Variants in LPO observed in about 807,000 individuals in gnomAD.
The protein encoded by LPO is salivary peroxidase.
LPO carries 70 observed loss-of-function variants against 68.4 expected under a neutral mutation model. That is an observed-to-expected ratio of 1.02 (90% CI 0.84 to 1.25). The LOEUF (loss-of-function observed/expected upper bound fraction) is 1.25, where lower values mean the gene tolerates loss of function less well. LPO is among the 50% of genes most tolerant of loss of function. The pLI is 0.00. For synonymous variants in LPO, 360 were observed against 357.6 expected, an observed-to-expected ratio of 1.01 and a Z score of -0.08; for missense variants, 873 against 908.4, an observed-to-expected ratio of 0.96 and a Z score of 0.50.
intron 4 of LPO, among the ~76,000 whole-genome samples, chr17:58,248,541 G>T (rs939877141): frequency 9.2e-5 from 14 of 152,000 alleles, no homozygotes; most frequent in Non-Finnish European, 7.4e-5. Context: ...GATGCCTAAA[G>T]CCCCCCTACT....
rs1970030212 is a variant in LPO at position 58,254,485 on chromosome 17, T to A, written c.1106-326T>A. ...GGTTGGGTTATAATTAGCAAAATGT[T>A]ACTGTGTAGTTTGTCACCACTAGCC... On this transcript the variant is annotated intron_variant, in intron 8 of 12. Transcript: ENST00000262290. 2.8e-5 allele frequency: 5 copies of A among 181,420 alleles called. No homozygotes were observed. In the Admixed American group the frequency reaches 3.0e-4, roughly 11 times the overall value. 11.2% of individuals were successfully genotyped at this position (181,420 alleles called of 1,614,324 possible).
rs762109945 is a variant in LPO, at chr17:58,249,585, G to T, written c.463G>T (p.Ala155Ser). ...CNNRRKPALG[A>S]ANRALARWLP... is the part of the protein sequence containing the mutation. The stretch of plus-strand genomic sequence containing the variant: ...TTTCAGGAGGAAGCCTGCGCTGGGC[G>T]CCGCCAACAGGGCTCTGGCGCGCTG... Residue 155 changes from alanine (A) to serine (S), a missense_variant, in exon 6 of 13, where the codon GCC becomes TCC. Transcript: ENST00000262290. 2 of 1,603,768 alleles carry T rather than the reference G, an allele frequency of 1.2e-6. No individual in the cohort carries two copies. The highest frequency in any genetic ancestry group is 1.1e-5 in the South Asian group (1 of 90,946).
At chr17:58,241,982 C>G (rs1238136852) in intron 1 of LPO, among the ~76,000 whole-genome samples, 1 of 152,198 alleles carries the variant, frequency 6.6e-6, no homozygotes, top group African/African-American at 2.4e-5. Context: ...GGGGGGCAAC[C>G]TGAGGCTGCT....
chr17:58,252,459 C>G lies in LPO; in HGVS notation c.1058C>G (p.Pro353Arg), dbSNP rs1214969913. 6.2e-7 allele frequency: 1 copy of G among 1,613,838 alleles called. No homozygotes were observed. The highest frequency in any genetic ancestry group is 1.3e-5 in the African/African-American group (1 of 74,904). ...CCCTATGACAGCAAGAAGCCAAGCCCCTGTGAGTTCATCAACACCACTGCC... is the reference window on the plus strand; with the variant it reads ...CCCTATGACAGCAAGAAGCCAAGCCGCTGTGAGTTCATCAACACCACTGCC... ...YLPYDSKKPS[P>R]CEFINTTARV... The change falls in exon 8 of 13, where the codon CCC (proline) becomes CGC (arginine). Residue 353 changes from proline to arginine, a missense_variant. Physicochemically the swap from Pro to Arg is moderately radical, Grantham distance 103. Coordinates refer to ENST00000262290, the MANE Select transcript of LPO (RefSeq NM_006151.3).
At position 58,242,885 on chromosome 17, in the gene LPO, G is replaced by C. The variant is rs1030100905; in HGVS notation, c.-2-93G>C. The C allele has an allele frequency of 1.9e-5, 19 of 982,590 alleles. No individual in the cohort carries two copies. In the African/African-American group the frequency reaches 2.2e-4, roughly 12 times the overall value. The allele number at this position is 982,590 out of a possible 1,614,324, so 60.9% of individuals were successfully genotyped here. On this transcript the variant is annotated intron_variant, in intron 1 of 12. Transcript: ENST00000262290. ...TTCCTGTTCCAATATTAGGGTGTCTGGTGCTCCTTTGGCTTTCTCTGCTTT... is the reference window on the plus strand; with the variant it reads ...TTCCTGTTCCAATATTAGGGTGTCTCGTGCTCCTTTGGCTTTCTCTGCTTT...
chr17:58,254,045 G>A (rs1270572188), intron 8 of LPO, among the ~76,000 whole-genome samples: 1 of 152,068 alleles, frequency 6.6e-6, no homozygotes, highest in East Asian at 1.9e-4. Context: ...CCACGAGGTT[G>A]AGGCTTCAGT....
chr17:58,248,972 G>C, intron 4 of LPO, 88 bp from the exon 5 acceptor site: 1 of 964,104 alleles, frequency 1.0e-6, no homozygotes, highest in Non-Finnish European at 1.7e-6. Flanking sequence ...AAACATGCAG[G>C]TTCACCTCTG....
At chr17:58,244,586 A>T (rs1362780863) in intron 3 of LPO, 2 of 158,240 alleles carry the variant, frequency 1.3e-5, no homozygotes, top group Non-Finnish European at 2.8e-5. Context: ...GTCTATCCTC[A>T]GCCTGACCCC....
chr17:58,256,544 A>G (rs969893018), intron 9 of LPO, among the ~76,000 whole-genome samples: 1 of 152,026 alleles, frequency 6.6e-6, no homozygotes, highest in Non-Finnish European at 1.5e-5. Flanking sequence ...TGCTGGGCAC[A>G]GTGGCTCATG....
chr17:58,258,819 CT>C (rs1970120594), intron 9 of LPO, among the ~76,000 whole-genome samples: 1 of 152,196 alleles, frequency 6.6e-6, no homozygotes, highest in African/African-American at 2.4e-5. Flanking sequence ...TCTCTAATGG[CT>C]GGTAATGTTG....
At chr17:58,252,576 C>T in intron 8 of LPO, 70 bp downstream of exon 8, 2 of 1,443,892 alleles carry the variant, frequency 1.4e-6, no homozygotes, top group Non-Finnish European at 1.9e-6. Context: ...ACCACTGCCC[C>T]CTTCTTGTCA....
At chr17:58,266,510 G>C (rs2143951023) in intron 11 of LPO, among the ~76,000 whole-genome samples, 184 bp downstream of exon 11, 1 of 152,160 alleles carries the variant, frequency 6.6e-6, no homozygotes, top group South Asian at 2.1e-4. Flanking sequence ...GCCCAGGCTA[G>C]AGTACAGCGG....
At chr17:58,245,484 G>A (rs1332313045) in intron 3 of LPO, among the ~76,000 whole-genome samples, 1 of 152,104 alleles carries the variant, frequency 6.6e-6, no homozygotes, top group East Asian at 1.9e-4. Flanking sequence ...CTCTGCCTGG[G>A]AGCATCGGGC....
intron 4 of LPO, 35 bp downstream of exon 4, chr17:58,247,673 G>C (rs1336981301): frequency 6.2e-7 from 1 of 1,603,168 alleles, no homozygotes; most frequent in Admixed American, 1.7e-5. Flanking sequence ...GTGGCAGGAA[G>C]GGGTCATCTC....
At chr17:58,251,005 G>A (rs1969949241) in intron 7 of LPO, 5 of 238,964 alleles carry the variant, frequency 2.1e-5, no homozygotes, top group Middle Eastern at 1.6e-3. Context: ...TCAGTTGGGC[G>A]AGGCGGCTCA....
chr17:58,251,555 G>T, intron 7 of LPO: 1 of 244,176 alleles, frequency 4.1e-6, no homozygotes, highest in South Asian at 5.4e-5. Context: ...TTATTCATGG[G>T]TATTACAGTT....
At position 58,267,426 on chromosome 17, in the gene LPO, A is replaced by G. The variant is rs201176300; in HGVS notation, c.1771A>G (p.Lys591Glu). 89 of 1,614,148 alleles carry G rather than the reference A, an allele frequency of 5.5e-5. No individual in the cohort carries two copies. The highest frequency in any genetic ancestry group is 5.8e-5 in the Non-Finnish European group (69 of 1,180,054). ...LEELNTVLKS[K>E]MLAKKLLGLY... The stretch of plus-strand genomic sequence containing the variant: ...GGAGTTGAACACAGTGCTGAAGAGC[A>G]AGATGCTGGCCAAGAAGTTACTGGG... The change falls in exon 12 of 13, where the codon AAG (lysine) becomes GAG (glutamate). Residue 591 changes from lysine to glutamate, a missense_variant. By Grantham distance (56) the Lys-to-Glu change is moderately conservative. Transcript: ENST00000262290.
chr17:58,251,765 T>G (rs1381693408), intron 7 of LPO: 10 of 471,740 alleles, frequency 2.1e-5, no homozygotes, highest in Non-Finnish European at 4.3e-5. Flanking sequence ...CCTTACAGGG[T>G]TTTTTTGAGG....
In LPO at chr17:58,252,267, A is replaced by G; in HGVS notation, c.866A>G (p.Tyr289Cys). 1 of 1,614,160 alleles carries G rather than the reference A, an allele frequency of 6.2e-7. No individual in the cohort carries two copies. Among genetic ancestry groups the G allele is most frequent in the Non-Finnish European group, 8.5e-7 (1 of 1,180,018 alleles). ...RAGFVCPTPP[Y>C]KSLAREQINA... ...GGGTTCGTCTGCCCCACTCCACCCT[A>G]CAAGTCCCTGGCCCGAGAGCAGATC... Residue 289 changes from tyrosine (Y) to cysteine (C), a missense_variant, in exon 8 of 13, where the codon TAC becomes TGC. By Grantham distance (194) the Tyr-to-Cys change is radical. Coordinates refer to ENST00000262290, the MANE Select transcript of LPO (RefSeq NM_006151.3).
Sources: allele counts gnomAD v4.1 joint callset (sites outside exome capture counted in the v4.1 genomes callset), GRCh38; gene constraint gnomAD v4.1.1; transcripts MANE v1.5; gene names NCBI Gene and HGNC (gene_info 2026-07-23, HGNC 2026-07-21).